ZNF407: variants seen among roughly 807,000 people sequenced by gnomAD.
ZNF407 encodes zinc finger protein 407.
ZNF407 carries 17 observed loss-of-function variants against 131.2 expected under a neutral mutation model. That is an observed-to-expected ratio of 0.13 (90% confidence interval 0.09 to 0.19). ZNF407 has a LOEUF of 0.19. Among genes scored for constraint, ZNF407 ranks in the 10% least tolerant of loss-of-function variants. The pLI is 1.00. For missense variants in ZNF407, 2,681 were observed against 2,830.6 expected (o/e 0.95, Z 1.20); for synonymous variants, 1,156 against 1,062.0 (o/e 1.09, Z -1.72).
At chr18:74,825,009 C>T (rs992624089) in intron 4 of ZNF407, among the ~76,000 whole-genome samples, 16 of 152,142 alleles carry the variant, frequency 1.1e-4, no homozygotes, top group Admixed American at 8.5e-4. Context: ...AAAGCTTATC[C>T]GCTACGATCA....
chr18:74,999,746 T>C (rs1972823850), intron 8 of ZNF407, among the ~76,000 whole-genome samples: 1 of 152,240 alleles, frequency 6.6e-6, no homozygotes, highest in Non-Finnish European at 1.5e-5. Flanking sequence ...TTGATTATTC[T>C]TCCATTATTG....
chr18:74,696,104 G>T (rs1186142310), intron 3 of ZNF407, among the ~76,000 whole-genome samples: 1 of 152,166 alleles, frequency 6.6e-6, no homozygotes, highest in African/African-American at 2.4e-5. Context: ...AAGGACTGCT[G>T]TTCAGAAACA....
intron 8 of ZNF407, among the ~76,000 whole-genome samples, chr18:74,932,609 T>C (rs565187459): frequency 2.0e-5 from 3 of 152,332 alleles, no homozygotes; most frequent in Admixed American, 1.3e-4. Context: ...AAAAAACTTA[T>C]GTGTAAATAA....
intron 8 of ZNF407, among the ~76,000 whole-genome samples, chr18:75,023,904 T>C (rs376461224): frequency 2.0e-5 from 3 of 152,260 alleles, no homozygotes; most frequent in African/African-American, 7.2e-5. Flanking sequence ...TACTAGTTTG[T>C]GGTGCGTTGG....
chr18:74,792,540 T>A (rs1340552641), intron 4 of ZNF407, among the ~76,000 whole-genome samples: 1 of 151,250 alleles, frequency 6.6e-6, no homozygotes, highest in Admixed American at 6.6e-5. Context: ...TTTTAAAAAA[T>A]TATATTGTTA....
intron 1 of ZNF407, among the ~76,000 whole-genome samples, chr18:74,610,547 G>C (rs1983011000): frequency 6.6e-6 from 1 of 151,906 alleles, no homozygotes; most frequent in Non-Finnish European, 1.5e-5. Context: ...AATATTTTGG[G>C]ACTTTTTTTT....
intron 8 of ZNF407, among the ~76,000 whole-genome samples, chr18:74,955,203 A>G (rs1972262069): frequency 6.6e-6 from 1 of 152,044 alleles, no homozygotes; most frequent in Non-Finnish European, 1.5e-5. Context: ...CCGCAAGTCC[A>G]GAGGAACTGG....
At chr18:75,012,286 T>TAGCAG (rs1568300415) in intron 8 of ZNF407, among the ~76,000 whole-genome samples, 1 of 111,144 alleles carries the variant, frequency 9.0e-6, no homozygotes, top group South Asian at 2.8e-4. Flanking sequence ...ACATAGTGTA[T>TAGCAG]GTACACATAG....
chr18:74,760,692 G>A (rs1177787335), intron 3 of ZNF407, among the ~76,000 whole-genome samples: 1 of 152,118 alleles, frequency 6.6e-6, no homozygotes, highest in African/African-American at 2.4e-5. Flanking sequence ...GGTAAGTAGT[G>A]GAATTTTTAC....
At chr18:74,905,132 AT>A (rs1272110275) in intron 7 of ZNF407, among the ~76,000 whole-genome samples, 1 of 152,156 alleles carries the variant, frequency 6.6e-6, no homozygotes, top group East Asian at 1.9e-4. Context: ...GACCACAGTG[AT>A]TTGTTTTTAG....
chr18:74,801,646 C>G (rs570122858), intron 4 of ZNF407, among the ~76,000 whole-genome samples: 1 of 152,322 alleles, frequency 6.6e-6, no homozygotes, highest in Admixed American at 6.5e-5. Context: ...TTCACACCCG[C>G]AGATGCATGT....
intron 4 of ZNF407, among the ~76,000 whole-genome samples, chr18:74,862,362 G>C (rs1350584566): frequency 6.6e-6 from 1 of 152,190 alleles, no homozygotes; most frequent in African/African-American, 2.4e-5. Flanking sequence ...TAAGTAGCCA[G>C]ATATGTCTGG....
chr18:75,021,626 A>G (rs1245250711), intron 8 of ZNF407, among the ~76,000 whole-genome samples: 1 of 152,146 alleles, frequency 6.6e-6, no homozygotes, highest in Non-Finnish European at 1.5e-5. Flanking sequence ...ATATTATTTA[A>G]TATTTAATAA....
intron 1 of ZNF407, among the ~76,000 whole-genome samples, chr18:74,618,975 C>A (rs1983419058): frequency 6.6e-6 from 1 of 152,026 alleles, no homozygotes; most frequent in East Asian, 1.9e-4. Flanking sequence ...AGATTTTGTC[C>A]AAAATTAGTA....
At chr18:74,991,583 G>A (rs1029796405) in intron 8 of ZNF407, among the ~76,000 whole-genome samples, 1 of 152,062 alleles carries the variant, frequency 6.6e-6, no homozygotes, top group Admixed American at 6.6e-5. Flanking sequence ...TACCTATTCG[G>A]TATTGGTCAC....
chr18:74,939,883 C>T (rs907873570), intron 8 of ZNF407, among the ~76,000 whole-genome samples: 2 of 152,144 alleles, frequency 1.3e-5, no homozygotes, highest in Middle Eastern at 3.2e-3. Context: ...ATGAGATAAA[C>T]CCAATTTTGA....
In ZNF407 at chr18:74,631,306, C is replaced by T; in HGVS notation, c.287C>T (p.Thr96Ile). Reference protein sequence around the residue: ...SGKQGICRLETSESSVTEGGI... With the variant: ...SGKQGICRLEISESSVTEGGI... Reference sequence around the variant, plus strand: ...AAGCAAGGTATTTGTAGATTAGAAACTTCTGAGAGCTCAGTCACAGAAGGG... The same window carrying T: ...AAGCAAGGTATTTGTAGATTAGAAATTTCTGAGAGCTCAGTCACAGAAGGG... Residue 96 changes from threonine to isoleucine, a missense_variant, in exon 2 of 9, where the codon ACT becomes ATT. Coordinates refer to ENST00000299687, the MANE Select transcript of ZNF407 (RefSeq NM_017757.3). The T allele has an allele frequency of 1.2e-6, 2 of 1,613,980 alleles. No homozygotes were observed. Among genetic ancestry groups the T allele is most frequent in the Non-Finnish European group, 1.7e-6 (2 of 1,179,890 alleles).
Position 74,634,169 on chromosome 18 carries a change from A to C in ZNF407, c.3150A>C (p.Ala1050=), listed in dbSNP as rs200465885. The C allele has an allele frequency of 3.1e-6, 5 of 1,613,970 alleles. No homozygotes were observed. Among genetic ancestry groups the C allele is most frequent in the Non-Finnish European group, 4.2e-6 (5 of 1,179,918 alleles). ...AAGAGTTTGAGTTTTATTGCATGGC[A>C]TGCGATTACTACGCGGTGACTCGTC... ...HTKEFEFYCM[A]CDYYAVTRRE... is the part of the protein sequence containing the mutation. The change falls in exon 2 of 9, where the codon GCA becomes GCC. Residue 1050 remains alanine, a synonymous_variant. Transcript: ENST00000299687.
Position 74,877,182 on chromosome 18 carries a change from C to T in ZNF407, c.4878-15C>T, listed in dbSNP as rs892466119. On this transcript the variant is annotated splice_polypyrimidine_tract_variant and intron_variant, in intron 4 of 8. Transcript: ENST00000299687. ...GCGGGCCATATTTATATTGTTTTCT[C>T]TCTCCTTCATGCAGGAAATTTACAT... is the stretch of plus-strand genomic sequence containing the variant. 6.2e-7 allele frequency: 1 copy of T among 1,613,040 alleles called. No homozygotes were observed. The highest frequency in any genetic ancestry group is 8.5e-7 in the Non-Finnish European group (1 of 1,179,270).
Sources: gnomAD v4.1 joint callset for allele counts (sites outside exome capture counted in the v4.1 genomes callset) on GRCh38, gnomAD v4.1.1 for gene constraint, MANE v1.5 for transcripts, NCBI Gene and HGNC (gene_info 2026-07-23, HGNC 2026-07-21) for gene names.